Variants in PALLD observed in about 807,000 individuals in gnomAD.
The protein encoded by PALLD is palladin, cytoskeletal associated protein.
PALLD carries 61 observed loss-of-function variants against 123.5 expected under a neutral mutation model. The observed-to-expected ratio is 0.49, with a 90% confidence interval of 0.40 to 0.61. The LOEUF (loss-of-function observed/expected upper bound fraction) is 0.61. Among genes scored for constraint, PALLD ranks in the 20% least tolerant of loss-of-function variants. The pLI is 0.00. For missense variants in PALLD, 1,273 were observed against 1,377.0 expected (o/e 0.92, Z 1.20); for synonymous variants, 465 against 496.4 (o/e 0.94, Z 0.84).
chr4:168,606,790 C>G (rs1179700498), intron 2 of PALLD, among the ~76,000 whole-genome samples: 2 of 152,144 alleles, frequency 1.3e-5, no homozygotes, highest in Non-Finnish European at 2.9e-5. Flanking sequence ...CCCTTTGAAT[C>G]CCTACTGCCA....
At chr4:168,914,174 A>G in intron 16 of PALLD, 153 bp downstream of exon 16, 1 of 652,878 alleles carries the variant, frequency 1.5e-6, no homozygotes, top group Non-Finnish European at 2.8e-6. Context: ...CTTGATTATT[A>G]TGCTCCCTTG....
intron 2 of PALLD, among the ~76,000 whole-genome samples, chr4:168,626,127 G>A (rs924792961): frequency 2.7e-5 from 4 of 146,450 alleles, no homozygotes; most frequent in South Asian, 2.2e-4. Flanking sequence ...TTAGCCGGGC[G>A]TAGTGGCGGG....
At chr4:168,520,262 C>T (rs1033465812) in intron 2 of PALLD, among the ~76,000 whole-genome samples, 4 of 144,728 alleles carry the variant, frequency 2.8e-5, no homozygotes, top group Non-Finnish European at 4.5e-5. Flanking sequence ...GGAGGCGGAG[C>T]TTACAGTGAG....
At chr4:168,798,741 A>C (rs561608731) in intron 10 of PALLD, among the ~76,000 whole-genome samples, 1 of 152,290 alleles carries the variant, frequency 6.6e-6, no homozygotes, top group East Asian at 1.9e-4. Context: ...AAATGTTTTA[A>C]ATTTTTTCAA....
At chr4:168,817,001 T>C (rs1436095244) in intron 10 of PALLD, among the ~76,000 whole-genome samples, 1 of 152,116 alleles carries the variant, frequency 6.6e-6, no homozygotes, top group Non-Finnish European at 1.5e-5. Context: ...TATTTCAGAA[T>C]AGAAGTGTGT....
At chr4:168,583,468 C>T (rs115220196) in intron 2 of PALLD, among the ~76,000 whole-genome samples, 150 of 152,234 alleles carry the variant, frequency 9.9e-4, no homozygotes, top group African/African-American at 3.5e-3. Context: ...TCACAAAGAG[C>T]TCCCAGGGAG....
intron 10 of PALLD, among the ~76,000 whole-genome samples, chr4:168,804,755 A>C (rs1739892449): frequency 6.6e-6 from 1 of 152,224 alleles, no homozygotes; most frequent in Non-Finnish European, 1.5e-5. Flanking sequence ...CAATGTCCTA[A>C]AAGAAATTGT....
In PALLD at chr4:168,808,348, C is replaced by A. The variant is rs111828713; in HGVS notation, c.1965-82574C>A. ...ACAAAAAATTAGCCAGGCATGGTGA[C>A]GTGTACCTGTAGTCCCAGCTACTCA... is the stretch of plus-strand genomic sequence containing the variant. On this transcript the variant is annotated intron_variant, in intron 10 of 21. Transcript: ENST00000505667. 2.9e-3 allele frequency among the ~76,000 whole-genome samples: 442 copies of A among 151,762 alleles called. 1 individual carries two copies. The highest frequency in any genetic ancestry group is 0.01 in the African/African-American group (420 of 41,418).
At chr4:168,794,506 GCACACACACACACA>G (rs57496563) in intron 10 of PALLD, among the ~76,000 whole-genome samples, 3 of 143,854 alleles carry the variant, frequency 2.1e-5, no homozygotes, top group Non-Finnish European at 4.6e-5. Context: ...ACACACACAC[GCACACACACACACA>G]CACACACACA....
At chr4:168,819,290 AC>A (rs1246207571) in intron 10 of PALLD, among the ~76,000 whole-genome samples, 6 of 151,952 alleles carry the variant, frequency 3.9e-5, no homozygotes, top group African/African-American at 9.7e-5. Flanking sequence ...AAAAACAATC[AC>A]CCACAAAAAT....
At position 168,511,829 on chromosome 4, in the gene PALLD, C is replaced by A. The variant is rs1465275407; in HGVS notation, c.325C>A (p.Gln109Lys). Residue 109 changes from glutamine (Q) to lysine (K), a missense_variant, in exon 2 of 22, where the codon CAA becomes AAA. Coordinates refer to ENST00000505667, the MANE Select transcript of PALLD (RefSeq NM_001166108.2). ...STPVQPLAEK[Q>K]TKSISSPVSK... Reference sequence around the variant, plus strand: ...ACCTGTCCAGCCTCTGGCAGAGAAACAAACTAAGAGTATCTCTTCACCTGT... The same window carrying A: ...ACCTGTCCAGCCTCTGGCAGAGAAAAAAACTAAGAGTATCTCTTCACCTGT... The A allele has an allele frequency of 6.2e-7, 1 of 1,614,184 alleles. No individual in the cohort carries two copies. Among genetic ancestry groups the A allele is most frequent in the Admixed American group, 1.7e-5 (1 of 60,034 alleles).
chr4:168,625,283 G>A (rs1775125252), intron 2 of PALLD, among the ~76,000 whole-genome samples: 1 of 151,930 alleles, frequency 6.6e-6, no homozygotes, highest in Admixed American at 6.6e-5. Context: ...TTTAATAGAT[G>A]ATGATAATAG....
chr4:168,555,917 C>G (rs1286313043), intron 2 of PALLD, among the ~76,000 whole-genome samples: 1 of 152,176 alleles, frequency 6.6e-6, no homozygotes. Flanking sequence ...TGCAAATTAA[C>G]TCTATAACCT....
chr4:168,850,777 C>T (rs1312892776), intron 10 of PALLD, among the ~76,000 whole-genome samples: 1 of 151,848 alleles, frequency 6.6e-6, no homozygotes, highest in Non-Finnish European at 1.5e-5. Context: ...GGTGATCCGC[C>T]CGCCTCGGCC....
chr4:168,691,851 A>C (rs1782663182), intron 8 of PALLD, among the ~76,000 whole-genome samples: 1 of 152,168 alleles, frequency 6.6e-6, no homozygotes, highest in Non-Finnish European at 1.5e-5. Context: ...TGACCAGATC[A>C]CAGTGCTATG....
intron 2 of PALLD, among the ~76,000 whole-genome samples, chr4:168,541,330 C>T (rs1169799404): frequency 6.6e-6 from 1 of 152,156 alleles, no homozygotes; most frequent in Non-Finnish European, 1.5e-5. Flanking sequence ...CAAAATTCAG[C>T]CCCCATCCTA....
chr4:168,812,066 G>A (rs1208795682), intron 10 of PALLD, among the ~76,000 whole-genome samples: 4 of 152,150 alleles, frequency 2.6e-5, no homozygotes, highest in Non-Finnish European at 5.9e-5. Flanking sequence ...AGGAAAAAAC[G>A]TATTTCCATA....
intron 10 of PALLD, among the ~76,000 whole-genome samples, chr4:168,877,018 A>T (rs1751836749): frequency 6.6e-6 from 1 of 152,198 alleles, no homozygotes; most frequent in Non-Finnish European, 1.5e-5. Context: ...ATCATTACAA[A>T]ATTTTTGCTA....
At chr4:168,710,681 G>A (rs1353270090) in intron 9 of PALLD, among the ~76,000 whole-genome samples, 1 of 152,208 alleles carries the variant, frequency 6.6e-6, no homozygotes, top group African/African-American at 2.4e-5. Flanking sequence ...AGAAACCTAA[G>A]TGTCAGGATC....
Sources: allele counts gnomAD v4.1 joint callset (sites outside exome capture counted in the v4.1 genomes callset), GRCh38; gene constraint gnomAD v4.1.1; transcripts MANE v1.5; gene names NCBI Gene and HGNC (gene_info 2026-07-23, HGNC 2026-07-21).